Variants in MARCHF1 observed in about 807,000 individuals in gnomAD.
MARCHF1 encodes the protein membrane associated ring-CH-type finger 1.
In MARCHF1, 40 loss-of-function variants were observed where a neutral mutation model predicts 54.2. The ratio of observed to expected loss-of-function variants is 0.74; its 90% CI spans 0.57 to 0.96. MARCHF1 has a LOEUF of 0.96. Among genes scored for constraint, MARCHF1 ranks in the 40% least tolerant of loss-of-function variants. The probability of loss-of-function intolerance (pLI) is 0.00; values close to 1 mark genes in which losing one functional copy is unlikely to be tolerated. For missense variants in MARCHF1, 586 were observed against 656.5 expected (o/e 0.89, Z 1.17); for synonymous variants, 236 against 236.3 (o/e 1.00, Z 0.01).
intron 1 of MARCHF1, among the ~76,000 whole-genome samples, chr4:164,216,730 A>G (rs967404138): frequency 6.6e-6 from 1 of 152,180 alleles, no homozygotes; most frequent in South Asian, 2.1e-4. Flanking sequence ...GGAGTTATCT[A>G]TGGCCTACAG....
chr4:164,125,704 T>C (rs1756165207), intron 1 of MARCHF1, among the ~76,000 whole-genome samples: 1 of 152,168 alleles, frequency 6.6e-6, no homozygotes, highest in East Asian at 1.9e-4. Flanking sequence ...CTGTGGCCTT[T>C]AAGAACTGAG....
At chr4:164,130,774 C>G (rs2110815509) in intron 1 of MARCHF1, among the ~76,000 whole-genome samples, 1 of 152,260 alleles carries the variant, frequency 6.6e-6, no homozygotes, top group East Asian at 1.9e-4. Context: ...TTTTGGTTCA[C>G]TGTTTTGTCC....
intron 8 of MARCHF1, among the ~76,000 whole-genome samples, chr4:163,566,954 A>G (rs1461548369): frequency 2.0e-5 from 3 of 152,210 alleles, no homozygotes; most frequent in Admixed American, 6.5e-5. Context: ...CTTCTACCTT[A>G]TAAGTTAATA....
At chr4:163,951,280 G>A (rs773573394) in intron 3 of MARCHF1, among the ~76,000 whole-genome samples, 3 of 151,880 alleles carry the variant, frequency 2.0e-5, no homozygotes, top group African/African-American at 4.8e-5. Context: ...TTTTTTCACC[G>A]TTAACCCTTG....
intron 1 of MARCHF1, among the ~76,000 whole-genome samples, chr4:164,263,648 A>G (rs372488843): frequency 7.9e-5 from 12 of 152,156 alleles, no homozygotes; most frequent in East Asian, 1.9e-4. Context: ...GAAATTTACA[A>G]AAGAAAAACA....
Position 163,787,761 on chromosome 4 carries a change from G to A in MARCHF1, c.111+66260C>T, listed in dbSNP as rs75938147. On this transcript the variant is annotated intron_variant, in intron 4 of 9. Transcript: ENST00000514618. Reference sequence around the variant, plus strand: ...AAATAATTCAAAGCACGATCTTAAAGAAATATCTGCATGCCTTGTTCACTG... The same window carrying A: ...AAATAATTCAAAGCACGATCTTAAAAAAATATCTGCATGCCTTGTTCACTG... 4.0e-4 allele frequency among the ~76,000 whole-genome samples: 61 copies of A among 151,982 alleles called. 2 individuals carry two copies. The East Asian group carries it at 0.011, about 27-fold the overall frequency.
At chr4:163,593,201 G>T (rs892905784) in intron 7 of MARCHF1, among the ~76,000 whole-genome samples, 11 of 152,142 alleles carry the variant, frequency 7.2e-5, no homozygotes, top group African/African-American at 2.4e-4. Context: ...CGAAGGTTAT[G>T]ATTTTCTCTA....
intron 1 of MARCHF1, among the ~76,000 whole-genome samples, chr4:164,134,511 A>G (rs1756362234): frequency 6.6e-6 from 1 of 152,206 alleles, no homozygotes; most frequent in African/African-American, 2.4e-5. Context: ...TTAGGTTACT[A>G]AGACATTCTT....
chr4:163,674,487 G>A (rs533479210), intron 5 of MARCHF1, among the ~76,000 whole-genome samples: 28 of 152,186 alleles, frequency 1.8e-4, no homozygotes, highest in Non-Finnish European at 3.5e-4. Context: ...TCCTCAGCCA[G>A]CTCTTTCTTA....
intron 1 of MARCHF1, among the ~76,000 whole-genome samples, chr4:164,368,626 G>T (rs1397719854): frequency 6.6e-6 from 1 of 152,058 alleles, no homozygotes; most frequent in Non-Finnish European, 1.5e-5. Flanking sequence ...ACCAAATTCA[G>T]CAATATGTGC....
At chr4:163,667,428 T>C (rs1424913215) in intron 5 of MARCHF1, among the ~76,000 whole-genome samples, 1 of 152,116 alleles carries the variant, frequency 6.6e-6, no homozygotes, top group Non-Finnish European at 1.5e-5. Context: ...ATGTTGAAAA[T>C]AGTGTTCTAC....
chr4:164,269,167 G>GA (rs1246633039), intron 1 of MARCHF1, among the ~76,000 whole-genome samples: 1 of 152,132 alleles, frequency 6.6e-6, no homozygotes, highest in East Asian at 1.9e-4. Context: ...GCCGGGTCAT[G>GA]AAAAAGGGGA....
intron 3 of MARCHF1, among the ~76,000 whole-genome samples, chr4:163,888,285 T>C (rs181156147): frequency 6.6e-6 from 1 of 152,224 alleles, no homozygotes; most frequent in African/African-American, 2.4e-5. Flanking sequence ...GTGAATATAC[T>C]AAAGAAAAGA....
At chr4:164,142,692 CA>C (rs1376197083) in intron 1 of MARCHF1, among the ~76,000 whole-genome samples, 6 of 152,244 alleles carry the variant, frequency 3.9e-5, no homozygotes, top group African/African-American at 1.4e-4. Flanking sequence ...CATCAAAGAC[CA>C]AAAGTAGATA....
chr4:164,123,597 C>T (rs1756116294), intron 1 of MARCHF1, among the ~76,000 whole-genome samples: 1 of 152,086 alleles, frequency 6.6e-6, no homozygotes, highest in Admixed American at 6.6e-5. Flanking sequence ...AGCATAAAAA[C>T]AGACATATAG....
At chr4:164,041,971 A>G (rs958291578) in intron 2 of MARCHF1, among the ~76,000 whole-genome samples, 3 of 151,820 alleles carry the variant, frequency 2.0e-5, no homozygotes, top group African/African-American at 7.3e-5. Context: ...AAAAGGAGAC[A>G]CTCTCTTTTC....
chr4:164,065,693 A>G (rs1488389443), intron 2 of MARCHF1, among the ~76,000 whole-genome samples: 5 of 152,198 alleles, frequency 3.3e-5, no homozygotes. Context: ...TAGTGACTCC[A>G]TTTGAGTCCA....
intron 5 of MARCHF1, among the ~76,000 whole-genome samples, chr4:163,615,031 C>T (rs1486795145): frequency 1.3e-5 from 2 of 152,010 alleles, no homozygotes; most frequent in East Asian, 1.9e-4. Context: ...TTGATTTTAG[C>T]CCAGTGGGAT....
intron 4 of MARCHF1, among the ~76,000 whole-genome samples, chr4:163,721,660 G>A (rs1424879109): frequency 1.3e-5 from 2 of 152,034 alleles, no homozygotes; most frequent in African/African-American, 4.8e-5. Flanking sequence ...ATCTGGTCCT[G>A]GACTTTCTTT....
Sources: gnomAD v4.1 joint callset for allele counts (sites outside exome capture counted in the v4.1 genomes callset) on GRCh38, gnomAD v4.1.1 for gene constraint, MANE v1.5 for transcripts, NCBI Gene and HGNC (gene_info 2026-07-23, HGNC 2026-07-21) for gene names.